The following ZNF804B variants were observed in gnomAD, a reference collection of about 807,000 sequenced individuals.
ZNF804B encodes the protein zinc finger protein 804B, also known as zinc finger 804B.
In ZNF804B, 80 loss-of-function variants were observed where a neutral mutation model predicts 101.4. The observed-to-expected ratio is 0.79, with a 90% CI of 0.66 to 0.95. The LOEUF is 0.95. Among genes scored for constraint, ZNF804B ranks in the 40% least tolerant of loss-of-function variants. The pLI, the probability that ZNF804B is intolerant of heterozygous loss-of-function variation, is 0.00. For synonymous variants in ZNF804B, 622 were observed against 558.8 expected, an observed-to-expected ratio of 1.11 and a Z score of -1.59; for missense variants, 1,673 against 1,561.9, an observed-to-expected ratio of 1.07 and a Z score of -1.20.
intron 1 of ZNF804B, among the ~76,000 whole-genome samples, chr7:89,118,051 C>T (rs1471467200): frequency 6.6e-6 from 1 of 152,094 alleles, no homozygotes; most frequent in East Asian, 1.9e-4. Context: ...CAGCAAAGCA[C>T]AATCAAGGAA....
chr7:89,089,684 A>C (rs1469011902), intron 1 of ZNF804B, among the ~76,000 whole-genome samples: 1 of 152,106 alleles, frequency 6.6e-6, no homozygotes, highest in African/African-American at 2.4e-5. Context: ...AATATAATTA[A>C]AATGAAATTA....
At chr7:88,908,203 A>G (rs2115968774) in intron 1 of ZNF804B, among the ~76,000 whole-genome samples, 1 of 151,946 alleles carries the variant, frequency 6.6e-6, no homozygotes, top group Non-Finnish European at 1.5e-5. Context: ...TCTTTAAGAT[A>G]CATTACACAG....
chr7:88,996,867 G>C (rs530769158), intron 1 of ZNF804B, among the ~76,000 whole-genome samples: 1 of 152,160 alleles, frequency 6.6e-6, no homozygotes, highest in African/African-American at 2.4e-5. Context: ...CAGGAGTGAA[G>C]CCCTACCTAC....
intron 1 of ZNF804B, among the ~76,000 whole-genome samples, chr7:88,944,972 G>C (rs1028083751): frequency 3.3e-5 from 5 of 151,900 alleles, no homozygotes; most frequent in African/African-American, 1.2e-4. Flanking sequence ...TAAGTTCCTT[G>C]TGGGTTCTGG....
At chr7:89,088,811 G>A (rs1339295312) in intron 1 of ZNF804B, among the ~76,000 whole-genome samples, 1 of 151,702 alleles carries the variant, frequency 6.6e-6, no homozygotes, top group African/African-American at 2.4e-5. Flanking sequence ...AATGTGAAAT[G>A]GGAGGCAGTT....
intron 1 of ZNF804B, among the ~76,000 whole-genome samples, chr7:88,932,008 A>T (rs1272038524): frequency 6.6e-6 from 1 of 151,780 alleles, no homozygotes; most frequent in Non-Finnish European, 1.5e-5. Flanking sequence ...TCTGTAAAAA[A>T]AAAAAGACAT....
intron 1 of ZNF804B, among the ~76,000 whole-genome samples, chr7:88,950,023 A>G (rs1793193719): frequency 6.6e-6 from 1 of 151,958 alleles, no homozygotes; most frequent in African/African-American, 2.4e-5. Flanking sequence ...ACTTATATAG[A>G]CATGCAATTT....
At chr7:89,213,543 G>A (rs1304115788) in intron 1 of ZNF804B, among the ~76,000 whole-genome samples, 1 of 152,148 alleles carries the variant, frequency 6.6e-6, no homozygotes, top group Non-Finnish European at 1.5e-5. Context: ...CATTTTCCTA[G>A]TACCCATCTC....
chr7:89,037,518 T>A (rs916550764), intron 1 of ZNF804B, among the ~76,000 whole-genome samples: 1 of 151,632 alleles, frequency 6.6e-6, no homozygotes, highest in Non-Finnish European at 1.5e-5. Context: ...TGACCTATAA[T>A]TGACAAATGA....
At chr7:88,876,618 C>A (rs1472792712) in intron 1 of ZNF804B, among the ~76,000 whole-genome samples, 1 of 152,074 alleles carries the variant, frequency 6.6e-6, no homozygotes, top group African/African-American at 2.4e-5. Flanking sequence ...CTTCTTTACT[C>A]TCTTGTTGCA....
chr7:88,970,710 C>T (rs866468222), intron 1 of ZNF804B, among the ~76,000 whole-genome samples: 14 of 150,040 alleles, frequency 9.3e-5, no homozygotes, highest in East Asian at 2.0e-4. Context: ...AGCAAACTAT[C>T]GCAAGGACAA....
At chr7:88,854,512 CTTTCCT>C (rs1406531468) in intron 1 of ZNF804B, among the ~76,000 whole-genome samples, 10 of 65,670 alleles carry the variant, frequency 1.5e-4, no homozygotes, top group African/African-American at 6.5e-4. Flanking sequence ...CTTTCCTTTC[CTTTCCT>C]TTCCTTCCTT....
At chr7:89,090,716 A>G (rs1258401436) in intron 1 of ZNF804B, among the ~76,000 whole-genome samples, 1 of 152,114 alleles carries the variant, frequency 6.6e-6, no homozygotes, top group Non-Finnish European at 1.5e-5. Context: ...CAGTTTTTCA[A>G]TGGCTTTCTT....
At chr7:89,114,002 T>G (rs1237765638) in intron 1 of ZNF804B, among the ~76,000 whole-genome samples, 1 of 152,016 alleles carries the variant, frequency 6.6e-6, no homozygotes, top group Non-Finnish European at 1.5e-5. Flanking sequence ...AGAATTAAGC[T>G]TAAACTGGAC....
At chr7:88,762,799 G>A (rs940656957) in intron 1 of ZNF804B, among the ~76,000 whole-genome samples, 1 of 149,836 alleles carries the variant, frequency 6.7e-6, no homozygotes, top group African/African-American at 2.5e-5. Flanking sequence ...AGTTTATTTA[G>A]TATAGAGATA....
At chr7:89,239,782 T>C (rs1049684293) in intron 2 of ZNF804B, among the ~76,000 whole-genome samples, 6 of 149,090 alleles carry the variant, frequency 4.0e-5, no homozygotes, top group African/African-American at 7.5e-5. Flanking sequence ...ACTTTCTGTC[T>C]ATATTATGTC....
intron 1 of ZNF804B, among the ~76,000 whole-genome samples, chr7:89,032,306 G>A (rs1420297289): frequency 6.6e-6 from 1 of 150,596 alleles, no homozygotes; most frequent in Non-Finnish European, 1.5e-5. Flanking sequence ...GTGTTGGGGG[G>A]ACAGGATGTG....
At chr7:88,948,958 C>A in intron 1 of ZNF804B, among the ~76,000 whole-genome samples, 1 of 151,498 alleles carries the variant, frequency 6.6e-6, no homozygotes, top group East Asian at 2.0e-4. Context: ...GATCTCTGAC[C>A]ATTTTATTTT....
intron 1 of ZNF804B, among the ~76,000 whole-genome samples, chr7:88,881,315 T>G (rs2115907859): frequency 6.6e-6 from 1 of 152,278 alleles, no homozygotes; most frequent in Non-Finnish European, 1.5e-5. Context: ...CTCATAAAAA[T>G]ACTATGAGAT....
Sources: allele counts gnomAD v4.1 joint callset (sites outside exome capture counted in the v4.1 genomes callset), GRCh38; gene constraint gnomAD v4.1.1; transcripts MANE v1.5; gene names NCBI Gene and HGNC (gene_info 2026-07-23, HGNC 2026-07-21).